AGBL4: variants seen among roughly 807,000 people sequenced by gnomAD.
AGBL4 encodes cytosolic carboxypeptidase 6.
AGBL4 carries 58 observed loss-of-function variants against 66.4 expected under a neutral mutation model. The observed-to-expected ratio is 0.87, with a 90% CI of 0.71 to 1.09. The LOEUF is 1.09. AGBL4 is among the 50% of genes least tolerant of loss of function. The pLI, the probability that AGBL4 is intolerant of heterozygous loss-of-function variation, is 0.00. For synonymous variants in AGBL4, 234 were observed against 222.9 expected (o/e 1.05, Z -0.44); for missense variants, 579 against 631.0 (o/e 0.92, Z 0.88).
intron 3 of AGBL4, among the ~76,000 whole-genome samples, chr1:49,685,236 T>C (rs76463935): frequency 2.0e-5 from 3 of 152,368 alleles, no homozygotes; most frequent in African/African-American, 7.2e-5. Flanking sequence ...CATTCTTTTA[T>C]GGCTGCACAG....
At chr1:49,289,508 A>G (rs531905124) in intron 3 of AGBL4, among the ~76,000 whole-genome samples, 9 of 152,298 alleles carry the variant, frequency 5.9e-5, no homozygotes, top group Admixed American at 5.2e-4. Context: ...ATTTGAAAGG[A>G]GGAAAAATTA....
intron 3 of AGBL4, among the ~76,000 whole-genome samples, chr1:49,414,594 G>A (rs566009270): frequency 3.3e-5 from 5 of 152,152 alleles, no homozygotes; most frequent in African/African-American, 4.8e-5. Context: ...ATGGCAAAGC[G>A]AGGTTAATGC....
intron 3 of AGBL4, among the ~76,000 whole-genome samples, chr1:49,391,763 G>A (rs533547364): frequency 4.5e-4 from 68 of 151,994 alleles, no homozygotes; most frequent in African/African-American, 1.2e-3. Flanking sequence ...GGGTTTCACT[G>A]TGTTAGCCAG....
At chr1:49,116,436 G>T (rs1407090673) in intron 4 of AGBL4, among the ~76,000 whole-genome samples, 4 of 152,122 alleles carry the variant, frequency 2.6e-5, no homozygotes, top group Non-Finnish European at 2.9e-5. Context: ...TATTCTCATT[G>T]TTGAATTCCC....
intron 8 of AGBL4, among the ~76,000 whole-genome samples, chr1:48,641,856 C>G (rs980981372): frequency 6.6e-6 from 1 of 152,096 alleles, no homozygotes; most frequent in African/African-American, 2.4e-5. Context: ...AGGTAAGAGC[C>G]TAATAGAGGG....
chr1:49,537,006 CAA>C (rs998466304), intron 3 of AGBL4, among the ~76,000 whole-genome samples: 10 of 130,298 alleles, frequency 7.7e-5, no homozygotes, highest in Admixed American at 2.3e-4. Flanking sequence ...GACTCCATCT[CAA>C]AAAAAAAAAA....
At chr1:49,869,627 A>T (rs1646789973) in intron 1 of AGBL4, among the ~76,000 whole-genome samples, 2 of 152,178 alleles carry the variant, frequency 1.3e-5, no homozygotes, top group Admixed American at 6.6e-5. Flanking sequence ...GAGCATCAAG[A>T]TAAATAGCTA....
At chr1:48,836,814 GT>G (rs1410860443) in intron 6 of AGBL4, among the ~76,000 whole-genome samples, 1 of 151,988 alleles carries the variant, frequency 6.6e-6, no homozygotes, top group Non-Finnish European at 1.5e-5. Context: ...AAATGTCAGT[GT>G]TTAAATAGAC....
intron 6 of AGBL4, chr1:48,727,809 T>G: frequency 7.1e-7 from 1 of 1,411,798 alleles, no homozygotes; most frequent in Non-Finnish European, 9.8e-7. Context: ...CGGTGGGGTC[T>G]GATTTGGACG....
At chr1:49,546,821 T>A (rs1361979703) in intron 3 of AGBL4, among the ~76,000 whole-genome samples, 1 of 152,238 alleles carries the variant, frequency 6.6e-6, no homozygotes, top group Non-Finnish European at 1.5e-5. Flanking sequence ...GAGAACTGTC[T>A]ATTAATGTGC....
At chr1:49,585,761 T>A (rs1249368734) in intron 3 of AGBL4, among the ~76,000 whole-genome samples, 1 of 152,202 alleles carries the variant, frequency 6.6e-6, no homozygotes, top group Non-Finnish European at 1.5e-5. Flanking sequence ...AGATAACTAA[T>A]ACAGATTCTG....
At chr1:48,849,456 C>G (rs936360432) in intron 6 of AGBL4, among the ~76,000 whole-genome samples, 10 of 152,138 alleles carry the variant, frequency 6.6e-5, no homozygotes, top group Non-Finnish European at 8.8e-5. Flanking sequence ...TTTCTAAATG[C>G]TTTCTCTCAA....
At chr1:48,610,638 T>C (rs1645223448) in intron 9 of AGBL4, among the ~76,000 whole-genome samples, 1 of 152,214 alleles carries the variant, frequency 6.6e-6, no homozygotes, top group South Asian at 2.1e-4. Flanking sequence ...TCCTTGTCAT[T>C]ATGCACATTT....
intron 3 of AGBL4, among the ~76,000 whole-genome samples, chr1:49,301,783 G>A (rs1253668199): frequency 6.6e-6 from 1 of 152,214 alleles, no homozygotes; most frequent in Middle Eastern, 3.4e-3. Context: ...ACGCTACCCA[G>A]ACCGATGACC....
At chr1:49,915,669 G>A (rs1557575324) in intron 1 of AGBL4, among the ~76,000 whole-genome samples, 1 of 152,320 alleles carries the variant, frequency 6.6e-6, no homozygotes, top group South Asian at 2.1e-4. Context: ...CAAGGGCATA[G>A]CCGAACAAAA....
chr1:50,006,842 A>C (rs1415600608), intron 1 of AGBL4, among the ~76,000 whole-genome samples: 1 of 152,246 alleles, frequency 6.6e-6, no homozygotes, highest in Non-Finnish European at 1.5e-5. Flanking sequence ...TCAGTTTAAA[A>C]GAAAAGGACA....
At chr1:49,099,440 A>G (rs1645162387) in intron 4 of AGBL4, among the ~76,000 whole-genome samples, 1 of 152,138 alleles carries the variant, frequency 6.6e-6, no homozygotes, top group Admixed American at 6.5e-5. Flanking sequence ...TACCAATAGG[A>G]CCTTATATAA....
chr1:49,895,791 A>G (rs1413505865), intron 1 of AGBL4, among the ~76,000 whole-genome samples: 1 of 151,964 alleles, frequency 6.6e-6, no homozygotes, highest in African/African-American at 2.4e-5. Flanking sequence ...GAAAAGAAAC[A>G]CAGCAAGGAA....
chr1:48,553,599 A>G (rs1300019940), intron 11 of AGBL4, among the ~76,000 whole-genome samples: 1 of 152,116 alleles, frequency 6.6e-6, no homozygotes, highest in Non-Finnish European at 1.5e-5. Context: ...GTGAGCCTCT[A>G]TATCAGAAGG....
Sources: gnomAD v4.1 joint callset for allele counts (sites outside exome capture counted in the v4.1 genomes callset) on GRCh38, gnomAD v4.1.1 for gene constraint, MANE v1.5 for transcripts, NCBI Gene and HGNC (gene_info 2026-07-23, HGNC 2026-07-21) for gene names.